WDR17: variants seen among roughly 807,000 people sequenced by gnomAD.
WDR17 encodes the protein WD repeat domain 17.
WDR17 carries 143 observed loss-of-function variants against 161.7 expected under a neutral mutation model. The observed-to-expected ratio is 0.88, with a 90% CI of 0.77 to 1.02. The LOEUF is 1.02. WDR17 is among the 50% of genes least tolerant of loss of function. The pLI is 0.00. For synonymous variants in WDR17, 517 were observed against 515.6 expected, an observed-to-expected ratio of 1.00 and a Z score of -0.04; for missense variants, 1,469 against 1,520.9, an observed-to-expected ratio of 0.97 and a Z score of 0.57.
At chr4:176,073,359 G>T (rs1435285652) in intron 1 of WDR17, among the ~76,000 whole-genome samples, 2 of 151,942 alleles carry the variant, frequency 1.3e-5, no homozygotes, top group Non-Finnish European at 2.9e-5. Flanking sequence ...GCGGTGTTTG[G>T]TTTTTTGTCC....
intron 18 of WDR17, among the ~76,000 whole-genome samples, chr4:176,158,159 C>A (rs1748453704): frequency 6.6e-6 from 1 of 152,154 alleles, no homozygotes; most frequent in Non-Finnish European, 1.5e-5. Flanking sequence ...GTGATCAATT[C>A]TTCATTTAGA....
In WDR17 at chr4:176,087,889, G is replaced by T. The variant is rs75262751; in HGVS notation, c.-7+21810G>T. On this transcript the variant is annotated intron_variant, in intron 1 of 28. Transcript: ENST00000508596. ...TTGAGCCAGAATCTGTGTCACCCAGGCTGGATTGCAGTGGCGCGATCTCGG... is the reference window on the plus strand; with the variant it reads ...TTGAGCCAGAATCTGTGTCACCCAGTCTGGATTGCAGTGGCGCGATCTCGG... 4.1e-4 allele frequency among the ~76,000 whole-genome samples: 62 copies of T among 151,958 alleles called. No individual in the cohort carries two copies. In the East Asian group the frequency reaches 0.012, roughly 29 times the overall value.
chr4:176,128,447 T>C (rs1003183806), intron 5 of WDR17, among the ~76,000 whole-genome samples: 7 of 152,162 alleles, frequency 4.6e-5, no homozygotes, highest in African/African-American at 1.7e-4. Context: ...TAGGGTCTTT[T>C]TTTGTGGTTG....
At chr4:176,115,630 A>G (rs764793240) in intron 2 of WDR17, among the ~76,000 whole-genome samples, 166 bp from the exon 3 acceptor site, 3 of 151,814 alleles carry the variant, frequency 2.0e-5, no homozygotes, top group Non-Finnish European at 4.4e-5. Flanking sequence ...TTCAATATTC[A>G]TGAATACACT....
Position 176,149,904 on chromosome 4 carries a change from A to G in WDR17, c.1995A>G (p.Val665=). 1 of 1,613,962 alleles carries G rather than the reference A, an allele frequency of 6.2e-7. No individual in the cohort carries two copies. The highest frequency in any genetic ancestry group is 1.1e-5 in the South Asian group (1 of 90,950). The change falls in exon 14 of 29, where the codon GTA becomes GTG. Residue 665 remains valine, a synonymous_variant. Transcript: ENST00000508596. ...CATTAACAGCCTTAGTCACTCCTGT[A>G]CAAATAAATATTCTGGCAGACAGAT... The part of the protein sequence containing the change: ...LWSLTALVTP[V]QINILADRSW...
At chr4:176,125,038 G>A (rs1742229789) in intron 4 of WDR17, 66 bp from the exon 5 acceptor site, 9 of 1,552,396 alleles carry the variant, frequency 5.8e-6, no homozygotes, top group Admixed American at 1.8e-5. Context: ...GAAAAAGTTA[G>A]CATCATCTAA....
intron 18 of WDR17, 59 bp from the exon 19 acceptor site, chr4:176,159,935 A>G (rs1344125558): frequency 2.1e-6 from 3 of 1,427,226 alleles, no homozygotes; most frequent in African/African-American, 1.4e-5. Flanking sequence ...GAAAATCTCA[A>G]TTCACCTAAA....
intron 2 of WDR17, among the ~76,000 whole-genome samples, chr4:176,114,258 A>G (rs1740238367): frequency 6.6e-6 from 1 of 152,112 alleles, no homozygotes; most frequent in Non-Finnish European, 1.5e-5. Flanking sequence ...ATGTATTTAA[A>G]TAAGTCAACT....
At chr4:176,126,519 T>A (rs1243267482) in intron 5 of WDR17, among the ~76,000 whole-genome samples, 1 of 152,186 alleles carries the variant, frequency 6.6e-6, no homozygotes, top group Non-Finnish European at 1.5e-5. Context: ...TATCTGTGGG[T>A]TCTGCATCAG....
At chr4:176,170,127 T>C (rs1008887346) in intron 23 of WDR17, among the ~76,000 whole-genome samples, 1 of 152,132 alleles carries the variant, frequency 6.6e-6, no homozygotes, top group Non-Finnish European at 1.5e-5. Context: ...ACCTCACTTA[T>C]TATTTTCAGA....
intron 1 of WDR17, among the ~76,000 whole-genome samples, chr4:176,079,231 A>T (rs1433423238): frequency 6.6e-6 from 1 of 152,052 alleles, no homozygotes; most frequent in Non-Finnish European, 1.5e-5. Flanking sequence ...ATGGTATTTC[A>T]TTGTGTATAT....
intron 1 of WDR17, among the ~76,000 whole-genome samples, chr4:176,109,642 C>T (rs911611572): frequency 1.3e-5 from 2 of 152,012 alleles, no homozygotes; most frequent in Non-Finnish European, 2.9e-5. Context: ...AAATGAAGAA[C>T]GTAGTTTCGT....
chr4:176,097,018 G>T (rs1736986906), intron 1 of WDR17, among the ~76,000 whole-genome samples: 1 of 151,846 alleles, frequency 6.6e-6, no homozygotes, highest in Non-Finnish European at 1.5e-5. Flanking sequence ...GAAGAAGAGT[G>T]CCATGTTGCA....
At chr4:176,096,480 GC>G in intron 1 of WDR17, 1 of 1,541,516 alleles carries the variant, frequency 6.5e-7, no homozygotes, top group Non-Finnish European at 8.9e-7. Flanking sequence ...CTATTCTGAT[GC>G]CGAGTTTCCA....
At chr4:176,088,605 T>C (rs1735717454) in intron 1 of WDR17, among the ~76,000 whole-genome samples, 1 of 152,196 alleles carries the variant, frequency 6.6e-6, no homozygotes, top group African/African-American at 2.4e-5. Flanking sequence ...TCTGCTCAAG[T>C]ACACATTTTC....
chr4:176,093,045 AT>A (rs1736342403), intron 1 of WDR17, among the ~76,000 whole-genome samples: 2 of 152,296 alleles, frequency 1.3e-5, no homozygotes, highest in African/African-American at 2.4e-5. Context: ...GTGTCTCAAA[AT>A]AAAAAAGAAA....
chr4:176,132,616 T>A (rs893877347), intron 7 of WDR17, among the ~76,000 whole-genome samples: 5 of 151,974 alleles, frequency 3.3e-5, no homozygotes, highest in African/African-American at 1.2e-4. Flanking sequence ...AATGAAAAAA[T>A]GATTTATAGC....
intron 16 of WDR17, among the ~76,000 whole-genome samples, chr4:176,150,841 T>C (rs1414579169): frequency 2.0e-5 from 3 of 152,184 alleles, no homozygotes; most frequent in Admixed American, 6.5e-5. Context: ...CTCCTTGAAA[T>C]GCTTTATCTT....
At chr4:176,119,413 C>T (rs1428775218) in intron 3 of WDR17, among the ~76,000 whole-genome samples, 1 of 151,974 alleles carries the variant, frequency 6.6e-6, no homozygotes, top group Non-Finnish European at 1.5e-5. Context: ...TTTTTAAATC[C>T]TTATAGTAGC....
Sources: allele counts gnomAD v4.1 joint callset (sites outside exome capture counted in the v4.1 genomes callset), GRCh38; gene constraint gnomAD v4.1.1; transcripts MANE v1.5; gene names NCBI Gene and HGNC (gene_info 2026-07-23, HGNC 2026-07-21).